Variants in NEFH observed in about 807,000 individuals in gnomAD.
The protein encoded by NEFH is neurofilament heavy chain, also known as neurofilament heavy polypeptide.
In NEFH, 58 loss-of-function variants were observed where a neutral mutation model predicts 56.6. That is an observed-to-expected ratio of 1.03 (90% CI 0.83 to 1.28). The LOEUF (loss-of-function observed/expected upper bound fraction) is 1.28. NEFH is among the 50% of genes most tolerant of loss of function. NEFH has a pLI of 0.00. For missense variants in NEFH, 1,221 were observed against 1,307.6 expected (o/e 0.93, Z 1.02); for synonymous variants, 542 against 545.8 (o/e 0.99, Z 0.10).
Position 29,480,766 on chromosome 22 carries a change from C to G in NEFH, c.504C>G (p.Arg168=). Residue 168 remains arginine (R), a synonymous_variant, in exon 1 of 4, where the codon CGC becomes CGG. Transcript: ENST00000310624. ...TGGGCGCGGCGCGCGGTCAGCTACG[C>G]CTGGAGCAGGAGCACCTGCTCGAGG... The part of the protein sequence containing the change: ...LRLGAARGQL[R]LEQEHLLEDI... 3 of 1,445,482 alleles carry G rather than the reference C, an allele frequency of 2.1e-6. No homozygotes were observed. The South Asian group carries it at 4.2e-5, about 20-fold the overall frequency. 89.5% of individuals were successfully genotyped at this position (1,445,482 alleles called of 1,614,324 possible).
rs2146402286 is a variant in NEFH, at chr22:29,490,835, C to G, written c.*132C>G. 1 of 1,510,824 alleles carries G rather than the reference C, an allele frequency of 6.6e-7. No individual in the cohort carries two copies. The highest frequency in any genetic ancestry group is 2.4e-5 in the East Asian group (1 of 40,918). 93.6% of individuals were successfully genotyped at this position (1,510,824 alleles called of 1,614,324 possible). A position where few individuals can be genotyped will look rare whatever the true frequency, so the allele number is the denominator to read the frequency against. On this transcript the variant is annotated 3_prime_UTR_variant, in exon 4 of 4. Coordinates refer to ENST00000310624, the MANE Select transcript of NEFH (RefSeq NM_021076.4). ...GAAACTGCTTAGATGACGGGGCCTCCTTCTTCAAACAGGAATTTCTGTTAG... is the reference window on the plus strand; with the variant it reads ...GAAACTGCTTAGATGACGGGGCCTCGTTCTTCAAACAGGAATTTCTGTTAG...
chr22:29,483,421 T>C lies in NEFH; in HGVS notation c.930T>C (p.Ala310=), dbSNP rs2146394251. 1 of 1,613,898 alleles carries C rather than the reference T, an allele frequency of 6.2e-7. No individual in the cohort carries two copies. ...AGGCAGCCAAGGTGAACACAGACGC[T>C]ATGCGCTCAGCGCAGGAGGAGATAA... ...LSEAAKVNTD[A]MRSAQEEITE... The change falls in exon 2 of 4, where the codon GCT becomes GCC. Residue 310 remains alanine (A), a synonymous_variant. Coordinates refer to ENST00000310624, the MANE Select transcript of NEFH (RefSeq NM_021076.4).
chr22:29,491,002 C>G lies in NEFH; in HGVS notation c.*299C>G. The G allele has an allele frequency of 2.1e-6, 1 of 487,052 alleles. No individual in the cohort carries two copies. The highest frequency in any genetic ancestry group is 3.7e-6 in the Non-Finnish European group (1 of 268,662). 30.2% of individuals were successfully genotyped at this position (487,052 alleles called of 1,614,324 possible). A position where few individuals can be genotyped will look rare whatever the true frequency, so the allele number is the denominator to read the frequency against. Reference sequence around the variant, plus strand: ...AACACTTGACTATAAAAACTGCCCCCCTCCTTTCCAAATAAGTGCATTTAT... The same window carrying G: ...AACACTTGACTATAAAAACTGCCCCGCTCCTTTCCAAATAAGTGCATTTAT... On this transcript the variant is annotated 3_prime_UTR_variant, in exon 4 of 4. Transcript: ENST00000310624.
intron 1 of NEFH, 124 bp downstream of exon 1, chr22:29,481,269 C>G (rs1412288054): frequency 6.4e-6 from 6 of 941,530 alleles, no homozygotes; most frequent in Non-Finnish European, 3.2e-6. Context: ...CACCTTCCCT[C>G]TGCAAAGTGC....
Position 29,483,415 on chromosome 22 carries a change from A to T in NEFH, c.924A>T (p.Thr308=). 6.2e-7 allele frequency: 1 copy of T among 1,613,894 alleles called. No homozygotes were observed. The highest frequency in any genetic ancestry group is 8.5e-7 in the Non-Finnish European group (1 of 1,180,034). The stretch of plus-strand genomic sequence containing the variant: ...TGTCGGAGGCAGCCAAGGTGAACAC[A>T]GACGCTATGCGCTCAGCGCAGGAGG... The part of the protein sequence containing the change: ...DRLSEAAKVN[T]DAMRSAQEEI... Residue 308 remains threonine (T), a synonymous_variant, in exon 2 of 4, where the codon ACA becomes ACT. Transcript: ENST00000310624.
rs1372803717 is a variant in NEFH, at chr22:29,491,056, G to A, written c.*353G>A. 1.3e-5 allele frequency: 5 copies of A among 391,934 alleles called. No homozygotes were observed. Among genetic ancestry groups the A allele is most frequent in the East Asian group, 1.2e-4 (2 of 16,156 alleles). The allele number at this position is 391,934 out of a possible 1,614,324, so 24.3% of individuals were successfully genotyped here. ...CTCTATGTGCAACTGACAGATGACCGCAATAATGAATGAGCAGTTAGAAAT... is the reference window on the plus strand; with the variant it reads ...CTCTATGTGCAACTGACAGATGACCACAATAATGAATGAGCAGTTAGAAAT... On this transcript the variant is annotated 3_prime_UTR_variant, in exon 4 of 4. Coordinates refer to ENST00000310624, the MANE Select transcript of NEFH (RefSeq NM_021076.4).
At position 29,489,176 on chromosome 22, in the gene NEFH, A is replaced by C. The variant is rs1319513340; in HGVS notation, c.1536A>C (p.Pro512=). Residue 512 remains proline (P), a synonymous_variant, in exon 4 of 4, where the codon CCA becomes CCC. Coordinates refer to ENST00000310624, the MANE Select transcript of NEFH (RefSeq NM_021076.4). ...CCCCAGCAGAAGAGGCTGCATCCCCAGAGAAGGAAGCCAAGTCACCAGTAA... is the reference window on the plus strand; with the variant it reads ...CCCCAGCAGAAGAGGCTGCATCCCCCGAGAAGGAAGCCAAGTCACCAGTAA... The part of the protein sequence containing the change: ...KSPPAEEAAS[P]EKEAKSPVKE... 1 of 1,614,054 alleles carries C rather than the reference A, an allele frequency of 6.2e-7. No homozygotes were observed. The highest frequency in any genetic ancestry group is 8.5e-7 in the Non-Finnish European group (1 of 1,180,006).
intron 3 of NEFH, among the ~76,000 whole-genome samples, chr22:29,488,038 G>A (rs769503095): frequency 8.5e-5 from 13 of 152,068 alleles, no homozygotes; most frequent in Non-Finnish European, 1.8e-4. Flanking sequence ...AAATGGGAGC[G>A]TTCTAAGACC....
At position 29,490,013 on chromosome 22, in the gene NEFH, GGAGGTCAAGTCCCCA is replaced by G; in HGVS notation, c.2377_2391del (p.Val793_Glu797del). On this transcript the variant is annotated inframe_deletion, in exon 4 of 4. Coordinates refer to ENST00000310624, the MANE Select transcript of NEFH (RefSeq NM_021076.4). ...AAAAGGCCAAAAGCCCTGTCAAGGA[GGAGGTCAAGTCCCCA>G]GAGAAGGCGAAATCTCCCCTGAAGG... 1 of 1,613,468 alleles carries G rather than the reference GGAGGTCAAGTCCCCA, an allele frequency of 6.2e-7. No individual in the cohort carries two copies. Among genetic ancestry groups the G allele is most frequent in the South Asian group, 1.1e-5 (1 of 91,046 alleles).
At chr22:29,487,291 G>A (rs564882819) in intron 3 of NEFH, among the ~76,000 whole-genome samples, 1 of 152,234 alleles carries the variant, frequency 6.6e-6, no homozygotes, top group East Asian at 1.9e-4. Context: ...CTCAAAGCAT[G>A]GCACATGAAC....
chr22:29,483,219 C>T (rs1243933344), intron 1 of NEFH, among the ~76,000 whole-genome samples, 156 bp from the exon 2 acceptor site: 1 of 150,364 alleles, frequency 6.7e-6, no homozygotes, highest in African/African-American at 2.5e-5. Context: ...GCGGAGCTTG[C>T]AGCGAGCTGA....
Position 29,491,069 on chromosome 22 carries a change from A to C in NEFH, c.*366A>C, listed in dbSNP as rs2063079060. The stretch of plus-strand genomic sequence containing the variant: ...TGACAGATGACCGCAATAATGAATG[A>C]GCAGTTAGAAATACATTATGCTTGA... On this transcript the variant is annotated 3_prime_UTR_variant, in exon 4 of 4. Coordinates refer to ENST00000310624, the MANE Select transcript of NEFH (RefSeq NM_021076.4). 5.3e-6 allele frequency: 2 copies of C among 378,890 alleles called. No individual in the cohort carries two copies. Among genetic ancestry groups the C allele is most frequent in the Non-Finnish European group, 1.0e-5 (2 of 198,214 alleles). The allele number at this position is 378,890 out of a possible 1,614,324, so 23.5% of individuals were successfully genotyped here. A position where few individuals can be genotyped will look rare whatever the true frequency, so the allele number is the denominator to read the frequency against.
Position 29,480,899 on chromosome 22 carries a change from C to T in NEFH, c.637C>T (p.Arg213Cys), listed in dbSNP as rs1321919727. ...ARFAQEAEAA[R>C]VDLQKKAQAL... ...CTTCGCGCAGGAGGCCGAGGCGGCG[C>T]GCGTGGACCTGCAGAAGAAGGCGCA... Residue 213 changes from arginine (R) to cysteine (C), a missense_variant, in exon 1 of 4, where the codon CGC (arginine) becomes TGC (cysteine). By Grantham distance (180) the Arg-to-Cys change is radical. Coordinates refer to ENST00000310624, the MANE Select transcript of NEFH (RefSeq NM_021076.4). 6.1e-6 allele frequency: 9 copies of T among 1,477,376 alleles called. No homozygotes were observed. The highest frequency in any genetic ancestry group is 8.0e-6 in the Non-Finnish European group (9 of 1,124,642). The allele number at this position is 1,477,376 out of a possible 1,614,324, so 91.5% of individuals were successfully genotyped here.
At chr22:29,484,425 A>G (rs2063032013) in intron 2 of NEFH, among the ~76,000 whole-genome samples, 1 of 151,884 alleles carries the variant, frequency 6.6e-6, no homozygotes, top group South Asian at 2.1e-4. Flanking sequence ...GGATCACTTG[A>G]GGTCAGGAGT....
At position 29,481,075 on chromosome 22, in the gene NEFH, G is replaced by T. The variant is rs1056259757; in HGVS notation, c.813G>T (p.Leu271=). 3.3e-6 allele frequency: 5 copies of T among 1,532,116 alleles called. No homozygotes were observed. The African/African-American group carries it at 6.9e-5, about 21-fold the overall frequency. 94.9% of individuals were successfully genotyped at this position (1,532,116 alleles called of 1,614,324 possible). The change falls in exon 1 of 4, where the codon CTG becomes CTT. Residue 271 remains leucine, a synonymous_variant. Coordinates refer to ENST00000310624, the MANE Select transcript of NEFH (RefSeq NM_021076.4). ...TGAAGTGCGACGTGACGTCGGCGCT[G>T]CGCGAGATTCGCGCGCAGCTTGAAG... is the stretch of plus-strand genomic sequence containing the variant. ...DALKCDVTSA[L]REIRAQLEGH... is the part of the protein sequence containing the mutation.
Position 29,489,429 on chromosome 22 carries a change from G to A in NEFH, c.1789G>A (p.Glu597Lys). Residue 597 changes from glutamate (E) to lysine (K), a missense_variant, in exon 4 of 4, where the codon GAG becomes AAG. Glu to Lys is a moderately conservative substitution (Grantham distance 56). Transcript: ENST00000310624. ...AAAGGAAGAGGCAAAGTCACCGGCT[G>A]AGGCCAAGTCTCCAGAGAAGGCCAA... is the stretch of plus-strand genomic sequence containing the variant. Reference protein sequence around the residue: ...PAKEEAKSPAEAKSPEKAKSP... With the variant: ...PAKEEAKSPAKAKSPEKAKSP... The A allele has an allele frequency of 6.2e-7, 1 of 1,610,022 alleles. No homozygotes were observed. The highest frequency in any genetic ancestry group is 8.5e-7 in the Non-Finnish European group (1 of 1,178,946).
At position 29,483,572 on chromosome 22, in the gene NEFH, C is replaced by T. The variant is rs1375181972; in HGVS notation, c.1081C>T (p.Gln361Ter). 3 of 1,613,390 alleles carry T rather than the reference C, an allele frequency of 1.9e-6. No individual in the cohort carries two copies. The African/African-American group carries it at 4.0e-5, about 22-fold the overall frequency. Residue 361 changes from glutamine (Q) to a stop codon, truncating the protein, a stop_gained and splice_region_variant, in exon 2 of 4, where the codon CAG (glutamine) becomes TAG (stop). Transcript: ENST00000310624. LOFTEE classifies it high-confidence loss of function. ...TCATCAGGCCGACATTGCCTCCTAC[C>T]AGGTGGGCAGGGGCAAGGCAGACAG... is the stretch of plus-strand genomic sequence containing the variant. ...DRHQADIASY[Q>*]EAIQQLDAEL...
At position 29,481,135 on chromosome 22, in the gene NEFH, G is replaced by C; in HGVS notation, c.873G>C (p.Glu291Asp). 1 of 1,532,176 alleles carries C rather than the reference G, an allele frequency of 6.5e-7. No homozygotes were observed. The highest frequency in any genetic ancestry group is 8.7e-7 in the Non-Finnish European group (1 of 1,145,918). 94.9% of individuals were successfully genotyped at this position (1,532,176 alleles called of 1,614,324 possible). A position where few individuals can be genotyped will look rare whatever the true frequency, so the allele number is the denominator to read the frequency against. ...TGCAGAGCACGCTGCAGTCCGAGGA[G>C]TGGTTCCGAGGTACGCAGGCGCGCG... is the stretch of plus-strand genomic sequence containing the variant. ...HAVQSTLQSE[E>D]WFRVRLDRLS... Residue 291 changes from glutamate (E) to aspartate (D), a missense_variant, in exon 1 of 4, where the codon GAG (glutamate) becomes GAC (aspartate). Coordinates refer to ENST00000310624, the MANE Select transcript of NEFH (RefSeq NM_021076.4).
rs770443491 is a variant in NEFH, at chr22:29,481,118, A to G, written c.856A>G (p.Thr286Ala). Reference protein sequence around the residue: ...AQLEGHAVQSTLQSEEWFRVR... With the variant: ...AQLEGHAVQSALQSEEWFRVR... ...GCTTGAAGGCCACGCGGTGCAGAGC[A>G]CGCTGCAGTCCGAGGAGTGGTTCCG... Residue 286 changes from threonine to alanine, a missense_variant, in exon 1 of 4, where the codon ACG becomes GCG. Thr to Ala is a moderately conservative substitution (Grantham distance 58, BLOSUM62 0). Coordinates refer to ENST00000310624, the MANE Select transcript of NEFH (RefSeq NM_021076.4). 6 of 1,499,752 alleles carry G rather than the reference A, an allele frequency of 4.0e-6. No homozygotes were observed. The highest frequency in any genetic ancestry group is 2.4e-5 in the South Asian group (2 of 83,414). 92.9% of individuals were successfully genotyped at this position (1,499,752 alleles called of 1,614,324 possible). A position where few individuals can be genotyped will look rare whatever the true frequency, so the allele number is the denominator to read the frequency against.
Sources: gnomAD v4.1 joint callset for allele counts (sites outside exome capture counted in the v4.1 genomes callset) on GRCh38, gnomAD v4.1.1 for gene constraint, MANE v1.5 for transcripts, NCBI Gene and HGNC (gene_info 2026-07-23, HGNC 2026-07-21) for gene names.